The following LPAR3 variants were observed in gnomAD, a reference collection of about 807,000 sequenced individuals.
The protein encoded by LPAR3 is LPA receptor 3.
LPAR3 carries 7 observed loss-of-function variants against 17.8 expected under a neutral mutation model. The ratio of observed to expected loss-of-function variants is 0.39; its 90% CI spans 0.22 to 0.74. The LOEUF (loss-of-function observed/expected upper bound fraction) is 0.74. Ranked by LOEUF, LPAR3 falls within the 30% of genes least tolerant of loss-of-function variation. The probability of loss-of-function intolerance (pLI) is 0.40; values close to 1 mark genes in which losing one functional copy is unlikely to be tolerated. For missense variants in LPAR3, 391 were observed against 453.4 expected (o/e 0.86, Z 1.25); for synonymous variants, 179 against 179.9 (o/e 0.99, Z 0.04).
rs538309839 is a variant in LPAR3 at position 84,832,693 on chromosome 1, G to C, written c.737-18522C>G. Among the ~76,000 whole-genome samples, 10 of 151,950 alleles carry C rather than the reference G, an allele frequency of 6.6e-5. No individual in the cohort carries two copies. The East Asian group carries it at 1.9e-3, about 30-fold the overall frequency. On this transcript the variant is annotated intron_variant, in intron 2 of 2. Coordinates refer to ENST00000370611, the MANE Select transcript of LPAR3 (RefSeq NM_012152.3). ...TCCCTTGGTGCCGTAGTAACAACAA[G>C]CTGGGTCACCTTCCAGTGCACGTTT...
At chr1:84,870,636 C>G (rs1009006348) in intron 1 of LPAR3, among the ~76,000 whole-genome samples, 1 of 152,136 alleles carries the variant, frequency 6.6e-6, no homozygotes, top group African/African-American at 2.4e-5. Flanking sequence ...AGGTGCTGAA[C>G]TAAGCATTTT....
chr1:84,878,365 C>A lies in LPAR3; in HGVS notation c.-18-12227G>T, dbSNP rs149446318. On this transcript the variant is annotated intron_variant, in intron 1 of 2. Transcript: ENST00000370611. ...AGTATTCCTGTCTCCTGTTTTTCCA[C>A]CATTCTTGAATTGCAGACACTTCCA... 5.8e-4 allele frequency among the ~76,000 whole-genome samples: 88 copies of A among 152,310 alleles called. No individual in the cohort carries two copies. The East Asian group carries it at 0.013, about 23-fold the overall frequency.
At chr1:84,882,812 T>C (rs1660390019) in intron 1 of LPAR3, among the ~76,000 whole-genome samples, 1 of 151,996 alleles carries the variant, frequency 6.6e-6, no homozygotes, top group African/African-American at 2.4e-5. Flanking sequence ...GAACTTAAAG[T>C]ATAATAATAA....
chr1:84,861,131 C>G (rs11582512), intron 2 of LPAR3, among the ~76,000 whole-genome samples: 92,730 of 152,068 alleles, frequency 0.61, 28,403 homozygotes, highest in African/African-American at 0.68. Context: ...TTTAAATCCT[C>G]CAATTATTAA....
At chr1:84,837,061 G>A (rs1019281772) in intron 2 of LPAR3, among the ~76,000 whole-genome samples, 9 of 134,260 alleles carry the variant, frequency 6.7e-5, no homozygotes, top group Non-Finnish European at 1.2e-4. Context: ...GTCTCGCTCT[G>A]TTGCCCAGGC....
chr1:84,814,104 C>T lies in LPAR3; in HGVS notation c.804G>A (p.Gln268=), dbSNP rs1296848048. The T allele has an allele frequency of 2.5e-6, 4 of 1,614,194 alleles. No homozygotes were observed. Among genetic ancestry groups the T allele is most frequent in the East Asian group, 2.2e-5 (1 of 44,876 alleles). The part of the protein sequence containing the change: ...VLLLDGLNCR[Q]CGVQHVKRWF... ...ACCTTTTCACATGCTGCACGCCACA[C>T]TGCCTGCAGTTCAGGCCGTCGAGGA... is the stretch of plus-strand genomic sequence containing the variant. The change falls in exon 3 of 3, where the codon CAG becomes CAA. Residue 268 remains glutamine (Q), a synonymous_variant. Transcript: ENST00000370611.
At chr1:84,843,824 A>G (rs1471281730) in intron 2 of LPAR3, among the ~76,000 whole-genome samples, 1 of 152,194 alleles carries the variant, frequency 6.6e-6, no homozygotes, top group Non-Finnish European at 1.5e-5. Flanking sequence ...CTCCTTTCTC[A>G]GGCCTTTTGC....
At chr1:84,815,291 C>T (rs1017573487) in intron 2 of LPAR3, among the ~76,000 whole-genome samples, 8 of 152,140 alleles carry the variant, frequency 5.3e-5, no homozygotes, top group African/African-American at 1.7e-4. Flanking sequence ...CGGCGAATGT[C>T]CTTGTCATTT....
At chr1:84,891,058 T>A (rs1435502779) in intron 1 of LPAR3, among the ~76,000 whole-genome samples, 2 of 152,142 alleles carry the variant, frequency 1.3e-5, no homozygotes, top group Non-Finnish European at 2.9e-5. Flanking sequence ...ATCTCATACT[T>A]TAATGTTTTA....
intron 2 of LPAR3, among the ~76,000 whole-genome samples, chr1:84,835,054 T>C (rs944852440): frequency 6.6e-6 from 1 of 152,244 alleles, no homozygotes; most frequent in African/African-American, 2.4e-5. Flanking sequence ...TAAAATGTTT[T>C]AAGAGAATTG....
At chr1:84,862,344 A>G (rs1327973599) in intron 2 of LPAR3, among the ~76,000 whole-genome samples, 3 of 152,226 alleles carry the variant, frequency 2.0e-5, no homozygotes, top group South Asian at 2.1e-4. Context: ...ATGAGCGTAA[A>G]AAGTCCAGAT....
chr1:84,863,141 T>A (rs187939036), intron 2 of LPAR3, among the ~76,000 whole-genome samples: 26 of 152,028 alleles, frequency 1.7e-4, no homozygotes, highest in Admixed American at 1.4e-3. Context: ...CGTGGTGTGA[T>A]CACAGCTCAC....
At chr1:84,841,892 C>G (rs1241160918) in intron 2 of LPAR3, among the ~76,000 whole-genome samples, 1 of 152,072 alleles carries the variant, frequency 6.6e-6, no homozygotes, top group Non-Finnish European at 1.5e-5. Context: ...GCAGCAGAGT[C>G]CATTCCCAGA....
At chr1:84,825,318 T>G (rs1393945019) in intron 2 of LPAR3, among the ~76,000 whole-genome samples, 1 of 152,152 alleles carries the variant, frequency 6.6e-6, no homozygotes, top group Non-Finnish European at 1.5e-5. Flanking sequence ...TCTCAGATAT[T>G]CAATATCTAA....
At chr1:84,871,484 T>C (rs1220879505) in intron 1 of LPAR3, among the ~76,000 whole-genome samples, 1 of 152,124 alleles carries the variant, frequency 6.6e-6, no homozygotes, top group Non-Finnish European at 1.5e-5. Context: ...AATCTCTCCT[T>C]CCTCCTAGAA....
At chr1:84,852,813 C>T (rs1659744674) in intron 2 of LPAR3, among the ~76,000 whole-genome samples, 10 of 152,134 alleles carry the variant, frequency 6.6e-5, no homozygotes, top group Admixed American at 6.5e-4. Flanking sequence ...ATGAAGCAAG[C>T]AGGCACATAA....
chr1:84,891,851 A>T (rs909393940), intron 1 of LPAR3, among the ~76,000 whole-genome samples: 2 of 152,164 alleles, frequency 1.3e-5, no homozygotes, highest in African/African-American at 4.8e-5. Flanking sequence ...GAGGAAAAGG[A>T]GGAAGAAAAG....
intron 2 of LPAR3, among the ~76,000 whole-genome samples, chr1:84,852,520 A>C (rs143833694): frequency 6.6e-6 from 1 of 152,120 alleles, no homozygotes. Flanking sequence ...GCAGGTCTGC[A>C]GGGCAGCTGA....
intron 2 of LPAR3, among the ~76,000 whole-genome samples, chr1:84,824,543 G>A (rs957465895): frequency 6.6e-6 from 1 of 152,126 alleles, no homozygotes; most frequent in Non-Finnish European, 1.5e-5. Flanking sequence ...TGAAATCCTG[G>A]TTATGACTAA....
Sources: allele counts gnomAD v4.1 joint callset (sites outside exome capture counted in the v4.1 genomes callset), GRCh38; gene constraint gnomAD v4.1.1; transcripts MANE v1.5; gene names NCBI Gene and HGNC (gene_info 2026-07-23, HGNC 2026-07-21).